The following ASPDH variants were observed in gnomAD, a reference collection of about 807,000 sequenced individuals.
ASPDH encodes the protein aspartate dehydrogenase domain-containing protein.
A neutral mutation model predicts 30.5 loss-of-function variants in ASPDH; 25 were observed. The observed-to-expected ratio is 0.82, with a 90% CI of 0.60 to 1.14. ASPDH has a LOEUF of 1.14. Among genes scored for constraint, ASPDH ranks in the 50% most tolerant of loss-of-function variants. The probability of loss-of-function intolerance (pLI) is 0.00; values close to 1 mark genes in which losing one functional copy is unlikely to be tolerated. For missense variants in ASPDH, 401 were observed against 381.5 expected, an observed-to-expected ratio of 1.05 and a Z score of -0.43; for synonymous variants, 168 against 156.3, an observed-to-expected ratio of 1.07 and a Z score of -0.56.
At chr19:50,514,974 A>G, upstream of ASPDH, 1 of 985,080 alleles carries the variant, frequency 1.0e-6, no homozygotes, top group Non-Finnish European at 1.2e-6. Context: ...TGTGGGAGAG[A>G]TGAGATGCCT....
intron 6 of ASPDH, 120 bp from the exon 7 acceptor site, chr19:50,511,893 G>T: frequency 2.6e-6 from 2 of 782,842 alleles, no homozygotes; most frequent in Non-Finnish European, 1.9e-6. Context: ...GACCCGGAGA[G>T]AGCGGGACAG....
At chr19:50,512,044 G>T in intron 6 of ASPDH, 92 bp downstream of exon 6, 3 of 1,140,014 alleles carry the variant, frequency 2.6e-6, no homozygotes, top group Admixed American at 5.8e-5. Flanking sequence ...AACAAATACA[G>T]AACCAGAACT....
Position 50,511,714 on chromosome 19 carries a change from G to T in ASPDH, c.*16C>A. On this transcript the variant is annotated 3_prime_UTR_variant, in exon 7 of 7. Transcript: ENST00000389208. ...AGGCCAGGCAGATGATCTTGTCTCG[G>T]GAGGGAGGAGGCTTCTCAGCAGAGA... 7.7e-7 allele frequency: 1 copy of T among 1,302,202 alleles called. No homozygotes were observed. Among genetic ancestry groups the T allele is most frequent in the Non-Finnish European group, 9.8e-7 (1 of 1,018,312 alleles). 80.7% of individuals were successfully genotyped at this position (1,302,202 alleles called of 1,614,324 possible).
chr19:50,513,208 G>T lies in ASPDH; in HGVS notation c.197+64C>A. 1 of 1,403,752 alleles carries T rather than the reference G, an allele frequency of 7.1e-7. No individual in the cohort carries two copies. Among genetic ancestry groups the T allele is most frequent in the Non-Finnish European group, 9.4e-7 (1 of 1,059,616 alleles). 87.0% of individuals were successfully genotyped at this position (1,403,752 alleles called of 1,614,324 possible). A position where few individuals can be genotyped will look rare whatever the true frequency, so the allele number is the denominator to read the frequency against. The stretch of plus-strand genomic sequence containing the variant: ...GTCAGGGAACCCCTGAGATCACACA[G>T]TGGCTAAGAGAGCCAGGACAGGAGC... On this transcript the variant is annotated intron_variant, in intron 2 of 6. Transcript: ENST00000389208. This position sits in a 1 kb window ranked among gnomAD's most constrained non-coding sequence, Gnocchi z 4.9.
chr19:50,512,381 C>G lies in ASPDH; in HGVS notation c.632G>C (p.Gly211Ala). The G allele has an allele frequency of 6.2e-7, 1 of 1,613,906 alleles. No homozygotes were observed. The highest frequency in any genetic ancestry group is 8.5e-7 in the Non-Finnish European group (1 of 1,179,982). ...APSLGFDGVI[G>A]VLVADTSLTD... ...TCACCTGGTATCAGCCACGAGCACCCCAATCACCCCATCGAAGCCCAGGCT... is the reference window on the plus strand; with the variant it reads ...TCACCTGGTATCAGCCACGAGCACCGCAATCACCCCATCGAAGCCCAGGCT... The change falls in exon 5 of 7, where the codon GGG becomes GCG. Residue 211 changes from glycine (G) to alanine (A), a missense_variant. Transcript: ENST00000389208.
intron 6 of ASPDH, 40 bp from the exon 7 acceptor site, chr19:50,511,813 G>T: frequency 7.7e-7 from 1 of 1,299,938 alleles, no homozygotes; most frequent in South Asian, 2.2e-5. Context: ...ACAGAGGAGA[G>T]ATGAGGAGAC....
Position 50,513,794 on chromosome 19 carries a change from G to A in ASPDH, c.30C>T (p.Gly10=), listed in dbSNP as rs147876313. The A allele has an allele frequency of 1.5e-5, 23 of 1,550,836 alleles. No individual in the cohort carries two copies. In the African/African-American group the frequency reaches 2.7e-4, roughly 18 times the overall value. The change falls in exon 1 of 7, where the codon GGC becomes GGT. Residue 10 remains glycine, a synonymous_variant. Coordinates refer to ENST00000389208, the MANE Select transcript of ASPDH (RefSeq NM_001114598.2). The surrounding 1 kb of genome is among the most constrained non-coding windows in gnomAD (Gnocchi z 4.9). Reference sequence around the variant, plus strand: ...CACCGAGGCGGCCATAGCCCACCACGCCCACCCTCCACGGGCCCCTGTCGG... The same window carrying A: ...CACCGAGGCGGCCATAGCCCACCACACCCACCCTCCACGGGCCCCTGTCGG... MADRGPWRV[G]VVGYGRLGQS...
rs1330118401 is a variant in ASPDH, at chr19:50,511,634, A to G, written c.*96T>C. The G allele has an allele frequency of 9.8e-6, 7 of 716,404 alleles. No individual in the cohort carries two copies. The highest frequency in any genetic ancestry group is 7.5e-5 in the African/African-American group (4 of 53,458). 44.4% of individuals were successfully genotyped at this position (716,404 alleles called of 1,614,324 possible). On this transcript the variant is annotated 3_prime_UTR_variant, in exon 7 of 7. Transcript: ENST00000389208. ...AGGCAGCGGTGATCTTTACTGAGTC[A>G]GAAGGGAGACCCTGGGGAAGTGGGG...
upstream of ASPDH, chr19:50,514,017 T>A (rs890141247): frequency 1.5e-6 from 1 of 656,122 alleles, no homozygotes. Flanking sequence ...CTGTGCTCTG[T>A]CCACTTTCCC....
At chr19:50,514,850 G>C (rs1980166002), upstream of ASPDH, 1 of 985,292 alleles carries the variant, frequency 1.0e-6, no homozygotes, top group Admixed American at 6.1e-5. Context: ...GTTGACGGGA[G>C]GAGAGAGGAG....
chr19:50,514,930 G>C, upstream of ASPDH: 1 of 985,430 alleles, frequency 1.0e-6, no homozygotes, highest in Non-Finnish European at 1.2e-6. Context: ...TGCTGATAAG[G>C]GAGGAATTGG....
rs1363714669 is a variant in ASPDH, at chr19:50,513,561, G to C, written c.53-145C>G. 16 of 889,724 alleles carry C rather than the reference G, an allele frequency of 1.8e-5. No homozygotes were observed. The highest frequency in any genetic ancestry group is 2.5e-5 in the Non-Finnish European group (15 of 588,302). 55.1% of individuals were successfully genotyped at this position (889,724 alleles called of 1,614,324 possible). A position where few individuals can be genotyped will look rare whatever the true frequency, so the allele number is the denominator to read the frequency against. On this transcript the variant is annotated intron_variant, in intron 1 of 6. Transcript: ENST00000389208. The surrounding 1 kb of genome is among the most constrained non-coding windows in gnomAD (Gnocchi z 4.9). ...GGGTAGGGAGACAGAGATGGGGGCA[G>C]GGCAGAGACACAGTGGGGTGGACAG...
Position 50,512,302 on chromosome 19 carries a change from G to C in ASPDH, c.654-12C>G. 1 of 1,613,864 alleles carries C rather than the reference G, an allele frequency of 6.2e-7. No individual in the cohort carries two copies. Among genetic ancestry groups the C allele is most frequent in the Non-Finnish European group, 8.5e-7 (1 of 1,179,976 alleles). On this transcript the variant is annotated splice_polypyrimidine_tract_variant and intron_variant, in intron 5 of 6. Coordinates refer to ENST00000389208, the MANE Select transcript of ASPDH (RefSeq NM_001114598.2). ...GCATGTCCGTGAGGCTGGGACAAGA[G>C]GGGCAGTCAGTCTGGAGAGCCTGGA...
Position 50,512,994 on chromosome 19 carries a change from A to G in ASPDH, c.215T>C (p.Val72Ala). Residue 72 changes from valine (V) to alanine (A), a missense_variant, in exon 3 of 7, where the codon GTG (valine) becomes GCG (alanine). Val to Ala is a moderately conservative substitution (Grantham distance 64). Coordinates refer to ENST00000389208, the MANE Select transcript of ASPDH (RefSeq NM_001114598.2). Reference protein sequence around the residue: ...ALGERRPDLVVEVAHPKIIHE... With the variant: ...ALGERRPDLVAEVAHPKIIHE... ...GATTATTTTGGGATGGGCCACTTCC[A>G]CAACCAGATCAGGGCGCCTGGGAGA... 1 of 1,613,612 alleles carries G rather than the reference A, an allele frequency of 6.2e-7. No individual in the cohort carries two copies.
At position 50,513,852 on chromosome 19, in the gene ASPDH, C is replaced by T; in HGVS notation, c.-29G>A. The T allele has an allele frequency of 6.5e-7, 1 of 1,545,932 alleles. No individual in the cohort carries two copies. Among genetic ancestry groups the T allele is most frequent in the Non-Finnish European group, 8.7e-7 (1 of 1,144,864 alleles). On this transcript the variant is annotated 5_prime_UTR_variant, in exon 1 of 7. Coordinates refer to ENST00000389208, the MANE Select transcript of ASPDH (RefSeq NM_001114598.2). The surrounding 1 kb of genome is among the most constrained non-coding windows in gnomAD (Gnocchi z 4.9). ...CCTGAGTGCGGTGTCTGGGGCCTGG[C>T]TCCCTGGGCTGCTCGCTGCCCGCTG...
Position 50,512,504 on chromosome 19 carries a change from C to T in ASPDH, c.509G>A (p.Gly170Glu). 6 of 1,553,492 alleles carry T rather than the reference C, an allele frequency of 3.9e-6. No individual in the cohort carries two copies. Among genetic ancestry groups the T allele is most frequent in the South Asian group, 3.7e-5 (3 of 81,162 alleles). ...GCCTTCGTAGAGCACAGTGCAAGGC[C>T]CAGGGCTGTGGGCTGCAGCCAGGGG... ...EGPLAAAHSP[G>E]PCTVLYEGPV... The change falls in exon 5 of 7, where the codon GGG (glycine) becomes GAG (glutamate). Residue 170 changes from glycine to glutamate, a missense_variant. Coordinates refer to ENST00000389208, the MANE Select transcript of ASPDH (RefSeq NM_001114598.2).
At chr19:50,513,980 C>T (rs1488158617), upstream of ASPDH, 18 of 880,792 alleles carry the variant, frequency 2.0e-5, no homozygotes, top group East Asian at 5.5e-5. This position sits in a 1 kb window ranked among gnomAD's most constrained non-coding sequence, Gnocchi z 4.9. Flanking sequence ...CGTGGGCCTG[C>T]GGGAGTGGAG....
In ASPDH at chr19:50,512,406, T is replaced by C; in HGVS notation, c.607A>G (p.Ser203Gly). The stretch of plus-strand genomic sequence containing the variant: ...CCAATCACCCCATCGAAGCCCAGGC[T>C]GGGGGCAGCCAGGGCAGCCGCCGCC... ...TMAAAALAAP[S>G]LGFDGVIGVL... Residue 203 changes from serine to glycine, a missense_variant, in exon 5 of 7, where the codon AGC becomes GGC. Coordinates refer to ENST00000389208, the MANE Select transcript of ASPDH (RefSeq NM_001114598.2). 1 of 1,613,288 alleles carries C rather than the reference T, an allele frequency of 6.2e-7. No individual in the cohort carries two copies. Among genetic ancestry groups the C allele is most frequent in the Non-Finnish European group, 8.5e-7 (1 of 1,179,842 alleles).
In ASPDH at chr19:50,512,238, T is replaced by TG; in HGVS notation, c.705dup (p.Thr236HisfsTer82). On this transcript the variant is annotated frameshift_variant, in exon 6 of 7. Transcript: ENST00000389208. LOFTEE classifies it high-confidence loss of function. ...GTGTGCACAGCAAAGCTTCGGCCCG[T>TG]GGGGCCCCGGGGTCCGCTCAGCTCT... 1 of 1,612,456 alleles carries TG rather than the reference T, an allele frequency of 6.2e-7. No homozygotes were observed.
Sources: allele counts gnomAD v4.1 joint callset, GRCh38; gene constraint gnomAD v4.1.1; non-coding constraint Gnocchi (gnomAD v3.1); transcripts MANE v1.5; gene names NCBI Gene and HGNC (gene_info 2026-07-23, HGNC 2026-07-21).